UEVLD: variants seen among roughly 807,000 people sequenced by gnomAD.
UEVLD encodes ubiquitin-conjugating enzyme E2 variant 3.
A neutral mutation model predicts 58.6 loss-of-function variants in UEVLD; 47 were observed. The observed-to-expected ratio is 0.80, with a 90% CI of 0.63 to 1.02. The LOEUF is 1.02. Among genes scored for constraint, UEVLD ranks in the 50% least tolerant of loss-of-function variants. The probability of loss-of-function intolerance (pLI) is 0.00; values close to 1 mark genes in which losing one functional copy is unlikely to be tolerated. For synonymous variants in UEVLD, 197 were observed against 195.3 expected, an observed-to-expected ratio of 1.01 and a Z score of -0.07; for missense variants, 510 against 550.6, an observed-to-expected ratio of 0.93 and a Z score of 0.74.
chr11:18,584,941 T>C (rs1853463033), intron 1 of UEVLD, among the ~76,000 whole-genome samples: 1 of 152,156 alleles, frequency 6.6e-6, no homozygotes, highest in South Asian at 2.1e-4. Context: ...TATTTATTGG[T>C]TCTAATATTG....
At chr11:18,580,121 G>A (rs573737383) in intron 1 of UEVLD, among the ~76,000 whole-genome samples, 18 of 139,188 alleles carry the variant, frequency 1.3e-4, no homozygotes, top group African/African-American at 4.4e-4. Flanking sequence ...TAGCCAAAAC[G>A]ATCAGGAAAA....
intron 1 of UEVLD, among the ~76,000 whole-genome samples, chr11:18,588,055 G>A (rs1285017768): frequency 6.6e-6 from 1 of 152,134 alleles, no homozygotes; most frequent in Non-Finnish European, 1.5e-5. Context: ...TCACTGCACA[G>A]TTACTTAGTA....
At position 18,565,030 on chromosome 11, in the gene UEVLD, A is replaced by G; in HGVS notation, c.494-20T>C. The G allele has an allele frequency of 6.5e-7, 1 of 1,530,666 alleles. No individual in the cohort carries two copies. The highest frequency in any genetic ancestry group is 9.0e-7 in the Non-Finnish European group (1 of 1,115,394). 94.8% of individuals were successfully genotyped at this position (1,530,666 alleles called of 1,614,324 possible). A position where few individuals can be genotyped will look rare whatever the true frequency, so the allele number is the denominator to read the frequency against. The stretch of plus-strand genomic sequence containing the variant: ...AAACACCTAGAAAGAAAGGTGAATT[A>G]TCCTGAGAATTCAAAAATATCAAGA... On this transcript the variant is annotated intron_variant, in intron 5 of 11. Transcript: ENST00000396197.
At chr11:18,564,315 T>C (rs1195031125) in intron 6 of UEVLD, among the ~76,000 whole-genome samples, 1 of 152,086 alleles carries the variant, frequency 6.6e-6, no homozygotes, top group Non-Finnish European at 1.5e-5. Flanking sequence ...ATCTCTCAAA[T>C]GACAAAAGAC....
In UEVLD at chr11:18,575,419, G is replaced by GAA. The variant is rs35906676; in HGVS notation, c.128-9_128-8dup. 6.5e-4 allele frequency: 810 copies of GAA among 1,240,772 alleles called. No homozygotes were observed. The highest frequency in any genetic ancestry group is 3.4e-3 in the Middle Eastern group (14 of 4,124). 76.9% of individuals were successfully genotyped at this position (1,240,772 alleles called of 1,614,324 possible). A position where few individuals can be genotyped will look rare whatever the true frequency, so the allele number is the denominator to read the frequency against. On this transcript the variant is annotated splice_polypyrimidine_tract_variant and splice_region_variant and intron_variant, in intron 2 of 11. Transcript: ENST00000396197. ...TGAGAACTATCTTTAAAAACTAGAA[G>GAA]AAAAAAAAAAAAGCCCCAAAATGTG...
At position 18,578,744 on chromosome 11, in the gene UEVLD, T is replaced by C. The variant is rs553384651; in HGVS notation, c.107A>G (p.Lys36Arg). The change falls in exon 2 of 12, where the codon AAA becomes AGA. Residue 36 changes from lysine to arginine, a missense_variant. By Grantham distance (26) the Lys-to-Arg change is conservative. Coordinates refer to ENST00000396197, the MANE Select transcript of UEVLD (RefSeq NM_001040697.4). ...CTTACCATAGGTGTCCATGGAATAT[T>C]TGAAATGTGGGAAAAATACATTTAC... Reference protein sequence around the residue: ...RNVNVFFPHFKYSMDTYVFKD... With the variant: ...RNVNVFFPHFRYSMDTYVFKD... 161 of 1,607,218 alleles carry C rather than the reference T, an allele frequency of 1.0e-4. 1 individual carries two copies. The South Asian group carries it at 1.5e-3, about 15-fold the overall frequency.
At chr11:18,553,733 T>A (rs922790121) in intron 7 of UEVLD, among the ~76,000 whole-genome samples, 1 of 152,218 alleles carries the variant, frequency 6.6e-6, no homozygotes, top group Admixed American at 6.5e-5. Context: ...GAAAACATTA[T>A]GCGAAGTGAC....
chr11:18,570,368 T>C lies in UEVLD; in HGVS notation c.203A>G (p.Tyr68Cys). 1 of 1,553,288 alleles carries C rather than the reference T, an allele frequency of 6.4e-7. No individual in the cohort carries two copies. The highest frequency in any genetic ancestry group is 8.6e-7 in the Non-Finnish European group (1 of 1,158,228). ...TIPVMYQGNT[Y>C]NIPIRFWILD... The stretch of plus-strand genomic sequence containing the variant: ...AATCCAGAAACGAATTGGTATGTTA[T>C]ATGTATTACCTATTTGAGACAAAAG... The change falls in exon 4 of 12, where the codon TAT (tyrosine) becomes TGT (cysteine). Residue 68 changes from tyrosine to cysteine, a missense_variant. Physicochemically the swap from Tyr to Cys is radical, Grantham distance 194 (BLOSUM62 -2). Transcript: ENST00000396197.
chr11:18,587,961 C>A (rs1853666686), intron 1 of UEVLD, among the ~76,000 whole-genome samples: 1 of 152,126 alleles, frequency 6.6e-6, no homozygotes, highest in South Asian at 2.1e-4. Context: ...GGTCGGCCCG[C>A]CTACTCCCCA....
intron 1 of UEVLD, among the ~76,000 whole-genome samples, chr11:18,586,857 C>T (rs941746985): frequency 6.6e-6 from 1 of 151,782 alleles, no homozygotes; most frequent in African/African-American, 2.4e-5. Flanking sequence ...GACGAAACCT[C>T]GTCGCTACTA....
chr11:18,581,162 C>CAAAAA, intron 1 of UEVLD, among the ~76,000 whole-genome samples: 1 of 82,902 alleles, frequency 1.2e-5, no homozygotes, highest in Non-Finnish European at 2.6e-5. Context: ...GACTCAGTCT[C>CAAAAA]AAAAAAAAAA....
At chr11:18,561,946 T>C (rs1273499845) in intron 6 of UEVLD, among the ~76,000 whole-genome samples, 8 of 151,902 alleles carry the variant, frequency 5.3e-5, no homozygotes, top group Non-Finnish European at 1.2e-4. Flanking sequence ...TGGTACCTAA[T>C]AAGCATTGTG....
chr11:18,583,657 CTTTTTTTTTTT>C (rs35384688), intron 1 of UEVLD, among the ~76,000 whole-genome samples: 1 of 117,244 alleles, frequency 8.5e-6, no homozygotes, highest in Middle Eastern at 4.6e-3. Context: ...TCCAGTATTA[CTTTTTTTTTTT>C]TTTTTTTTTT....
rs1263513210 is a variant in UEVLD, at chr11:18,546,884, T to C, written c.882A>G (p.Gln294=). Residue 294 remains glutamine (Q), a synonymous_variant, in exon 8 of 12, where the codon CAA becomes CAG. Coordinates refer to ENST00000396197, the MANE Select transcript of UEVLD (RefSeq NM_001040697.4). ...ATTTAAAATAAAGCATTTTACCTGG[T>C]TGAGATGCAACGAGCAGGACACTGT... The part of the protein sequence containing the change: ...SQHSVLLVAS[Q]PVEIMTYVTW... 6 of 1,612,472 alleles carry C rather than the reference T, an allele frequency of 3.7e-6. No homozygotes were observed. The African/African-American group carries it at 4.0e-5, about 11-fold the overall frequency.
chr11:18,571,523 A>ACTAGT (rs1251668106), intron 3 of UEVLD, among the ~76,000 whole-genome samples: 1 of 152,082 alleles, frequency 6.6e-6, no homozygotes, highest in Non-Finnish European at 1.5e-5. Flanking sequence ...CCACTAGTTC[A>ACTAGT]CTAGTCTCTT....
chr11:18,542,304 T>C (rs943395840), intron 9 of UEVLD, among the ~76,000 whole-genome samples: 1 of 151,968 alleles, frequency 6.6e-6, no homozygotes, highest in African/African-American at 2.4e-5. Context: ...TTGGTCTATG[T>C]TGGGTTTTGA....
In UEVLD at chr11:18,532,218, AG is replaced by A; in HGVS notation, c.*101del. On this transcript the variant is annotated 3_prime_UTR_variant, in exon 12 of 12. Transcript: ENST00000396197. ...CTACTTTAACCAAGCAGTTTGTAAA[AG>A]TAAGTAGCAGGATACAGAAATCCTC... 8.8e-7 allele frequency: 1 copy of A among 1,140,390 alleles called. No individual in the cohort carries two copies. The highest frequency in any genetic ancestry group is 2.3e-5 in the South Asian group (1 of 43,878). 70.6% of individuals were successfully genotyped at this position (1,140,390 alleles called of 1,614,324 possible). A position where few individuals can be genotyped will look rare whatever the true frequency, so the allele number is the denominator to read the frequency against.
At chr11:18,544,987 T>TAC (rs200135636) in intron 8 of UEVLD, among the ~76,000 whole-genome samples, 191 bp from the exon 9 acceptor site, 1 of 139,442 alleles carries the variant, frequency 7.2e-6, no homozygotes, top group Non-Finnish European at 1.6e-5. Flanking sequence ...CACACATACA[T>TAC]ACACACATAT....
intron 5 of UEVLD, among the ~76,000 whole-genome samples, chr11:18,565,681 T>C (rs1161526271): frequency 6.6e-6 from 1 of 151,866 alleles, no homozygotes; most frequent in Non-Finnish European, 1.5e-5. Flanking sequence ...ATACAAAAAT[T>C]GGCTGGGCAT....
Sources: gnomAD v4.1 joint callset for allele counts (sites outside exome capture counted in the v4.1 genomes callset) on GRCh38, gnomAD v4.1.1 for gene constraint, MANE v1.5 for transcripts, NCBI Gene and HGNC (gene_info 2026-07-23, HGNC 2026-07-21) for gene names.